The following RNF180 variants were observed in gnomAD, a reference collection of about 807,000 sequenced individuals.
RNF180 encodes the protein E3 ubiquitin-protein ligase RNF180.
In RNF180, 38 loss-of-function variants were observed where a neutral mutation model predicts 59.2. The ratio of observed to expected loss-of-function variants is 0.64; its 90% CI spans 0.50 to 0.84. RNF180 has a LOEUF of 0.84. RNF180 is among the 40% of genes least tolerant of loss of function. The pLI is 0.00. For missense variants in RNF180, 705 were observed against 700.9 expected (o/e 1.01, Z -0.07); for synonymous variants, 262 against 240.3 (o/e 1.09, Z -0.84).
At chr5:64,170,131 T>A (rs1006514168) in intron 1 of RNF180, among the ~76,000 whole-genome samples, 1 of 152,252 alleles carries the variant, frequency 6.6e-6, no homozygotes, top group African/African-American at 2.4e-5. Context: ...CAAATAATGA[T>A]ACACCCTGTG....
At chr5:64,237,059 C>A (rs1742487380) in intron 5 of RNF180, among the ~76,000 whole-genome samples, 1 of 152,210 alleles carries the variant, frequency 6.6e-6, no homozygotes, top group Admixed American at 6.5e-5. Context: ...TCCACTGGAG[C>A]ACTGCCTAGG....
intron 7 of RNF180, among the ~76,000 whole-genome samples, chr5:64,333,680 T>A (rs1339541887): frequency 1.3e-5 from 2 of 152,212 alleles, no homozygotes; most frequent in African/African-American, 2.4e-5. Context: ...CTTTCCCTTG[T>A]CTTTTTGTAT....
chr5:64,270,389 C>T (rs1435745824), intron 5 of RNF180, among the ~76,000 whole-genome samples: 3 of 152,176 alleles, frequency 2.0e-5, no homozygotes, highest in Admixed American at 6.6e-5. Flanking sequence ...GTATAGTCAT[C>T]TAAACAATAA....
At chr5:64,174,252 G>T (rs1750108213) in intron 1 of RNF180, among the ~76,000 whole-genome samples, 1 of 152,100 alleles carries the variant, frequency 6.6e-6, no homozygotes, top group South Asian at 2.1e-4. Flanking sequence ...ATTGTGAATA[G>T]TACTGTAATA....
rs187714527 is a variant in RNF180 at position 64,197,633 on chromosome 5, T to A, written c.1-3175T>A. 2.6e-5 allele frequency among the ~76,000 whole-genome samples: 4 copies of A among 152,288 alleles called. No individual in the cohort carries two copies. The East Asian group carries it at 7.7e-4, about 29-fold the overall frequency. On this transcript the variant is annotated intron_variant, in intron 1 of 7. Coordinates refer to ENST00000389100, the MANE Select transcript of RNF180 (RefSeq NM_001113561.2). ...TTTTAAGTACATCTTTTTAAAAATA[T>A]TCTTTGTGGGAAAAAATGAGAAGAA... is the stretch of plus-strand genomic sequence containing the variant.
intron 1 of RNF180, among the ~76,000 whole-genome samples, chr5:64,172,844 C>G (rs1488421417): frequency 6.6e-6 from 1 of 152,130 alleles, no homozygotes; most frequent in Non-Finnish European, 1.5e-5. Flanking sequence ...TCCAGGTACA[C>G]TGTTGATTAT....
chr5:64,186,118 G>T (rs141976381), intron 1 of RNF180, among the ~76,000 whole-genome samples: 1 of 151,978 alleles, frequency 6.6e-6, no homozygotes, highest in Non-Finnish European at 1.5e-5. Context: ...TAGTATAGTT[G>T]CCTCTGCATC....
chr5:64,228,468 G>A (rs1741906298), intron 5 of RNF180, among the ~76,000 whole-genome samples: 1 of 151,980 alleles, frequency 6.6e-6, no homozygotes, highest in South Asian at 2.1e-4. Flanking sequence ...AAGCCATGAT[G>A]GTACCATTGC....
At chr5:64,258,405 A>G (rs1306165629) in intron 5 of RNF180, among the ~76,000 whole-genome samples, 1 of 152,200 alleles carries the variant, frequency 6.6e-6, no homozygotes, top group East Asian at 1.9e-4. Flanking sequence ...TTATTCTGGT[A>G]AGAGAGGTTG....
At chr5:64,304,071 A>G (rs1244333567) in intron 5 of RNF180, among the ~76,000 whole-genome samples, 1 of 151,638 alleles carries the variant, frequency 6.6e-6, no homozygotes, top group African/African-American at 2.4e-5. Context: ...TCTGGATGAC[A>G]GCACATCTGC....
At chr5:64,319,779 T>A (rs897856832) in intron 5 of RNF180, among the ~76,000 whole-genome samples, 9 of 152,310 alleles carry the variant, frequency 5.9e-5, no homozygotes, top group African/African-American at 1.9e-4. Flanking sequence ...GTTATAGGGA[T>A]GCCTGCGGCC....
intron 7 of RNF180, among the ~76,000 whole-genome samples, chr5:64,347,229 G>A (rs1745592189): frequency 6.6e-6 from 1 of 152,152 alleles, no homozygotes; most frequent in African/African-American, 2.4e-5. Context: ...GGATTTGTGA[G>A]ACCACAAAAT....
chr5:64,201,586 C>G (rs191137677), intron 2 of RNF180, among the ~76,000 whole-genome samples: 1 of 152,092 alleles, frequency 6.6e-6, no homozygotes, highest in Non-Finnish European at 1.5e-5. Context: ...TGTTTTCTTC[C>G]GCTTCTTTGG....
At chr5:64,271,715 A>G (rs1314023612) in intron 5 of RNF180, among the ~76,000 whole-genome samples, 1 of 152,150 alleles carries the variant, frequency 6.6e-6, no homozygotes, top group Non-Finnish European at 1.5e-5. Flanking sequence ...CTAAAGAGCC[A>G]TAATATATCT....
chr5:64,237,239 G>C (rs1430586696), intron 5 of RNF180, among the ~76,000 whole-genome samples: 2 of 152,228 alleles, frequency 1.3e-5, no homozygotes, highest in African/African-American at 4.8e-5. Flanking sequence ...GGCTGTGGGA[G>C]CCCACTCATT....
chr5:64,226,247 A>C (rs1741749866), intron 5 of RNF180, among the ~76,000 whole-genome samples: 1 of 152,150 alleles, frequency 6.6e-6, no homozygotes, highest in Non-Finnish European at 1.5e-5. Context: ...TGGGGAAAAG[A>C]AAGATCAGAT....
rs1752341377 is a variant in RNF180 at position 64,212,068 on chromosome 5, A to G, written c.139A>G (p.Lys47Glu). ...ATCATTTATTTTTATTTAACAGGAT[A>G]AAGATGATTCAGTTGATGCTCAAAA... ...EYLENQVIKD[K>E]DDSVDAQNIC... Residue 47 changes from lysine to glutamate, a missense_variant, in exon 3 of 8, where the codon AAA (lysine) becomes GAA (glutamate). Lys to Glu is a moderately conservative substitution (Grantham distance 56). Transcript: ENST00000389100. 15 of 1,550,802 alleles carry G rather than the reference A, an allele frequency of 9.7e-6. No individual in the cohort carries two copies. Among genetic ancestry groups the G allele is most frequent in the Non-Finnish European group, 1.3e-5 (15 of 1,122,628 alleles).
intron 5 of RNF180, among the ~76,000 whole-genome samples, chr5:64,218,110 AC>A (rs915720787): frequency 3.3e-4 from 50 of 152,044 alleles, no homozygotes; most frequent in African/African-American, 1.2e-3. Flanking sequence ...TGTAGAGCCA[AC>A]CTGTTTAATT....
chr5:64,193,446 G>A (rs2934804), intron 1 of RNF180, among the ~76,000 whole-genome samples: 68,449 of 151,786 alleles, frequency 0.45, 16,876 homozygotes, highest in African/African-American at 0.66. Flanking sequence ...TATACCAATT[G>A]TATCTTAATA....
Sources: gnomAD v4.1 joint callset for allele counts (sites outside exome capture counted in the v4.1 genomes callset) on GRCh38, gnomAD v4.1.1 for gene constraint, MANE v1.5 for transcripts, NCBI Gene and HGNC (gene_info 2026-07-23, HGNC 2026-07-21) for gene names.